CBFA2T3: variants seen among roughly 807,000 people sequenced by gnomAD.
CBFA2T3 encodes the protein transcriptional corepressor CBFA2T3.
In CBFA2T3, 31 loss-of-function variants were observed where a neutral mutation model predicts 58.6. The observed-to-expected ratio is 0.53, with a 90% CI of 0.40 to 0.71. The LOEUF (loss-of-function observed/expected upper bound fraction) is 0.71, where lower values mean the gene tolerates loss of function less well. CBFA2T3 is among the 30% of genes least tolerant of loss of function. The probability of loss-of-function intolerance (pLI) is 0.00; values close to 1 mark genes in which losing one functional copy is unlikely to be tolerated. For synonymous variants in CBFA2T3, 531 were observed against 421.9 expected (o/e 1.26, Z -3.17); for missense variants, 1,076 against 963.1 (o/e 1.12, Z -1.55).
chr16:88,929,347 G>A (rs1199906628), intron 1 of CBFA2T3, among the ~76,000 whole-genome samples: 5 of 152,322 alleles, frequency 3.3e-5, no homozygotes, highest in East Asian at 1.9e-4. Context: ...CTGCTCCCAC[G>A]GGCCTGCGGG....
In CBFA2T3 at chr16:88,901,542, T is replaced by A; in HGVS notation, c.266A>T (p.Gln89Leu). ...SMPPPPPAASQGATRPPSFTP... is the reference protein window; with the variant it reads ...SMPPPPPAASLGATRPPSFTP... ...GAAGGAGGGGGGGCGTGTGGCCCCC[T>A]GGGATGCGGCAGGCGGTGGGGGCGG... The change falls in exon 2 of 12, where the codon CAG (glutamine) becomes CTG (leucine). Residue 89 changes from glutamine to leucine, a missense_variant. Physicochemically the swap from Gln to Leu is moderately radical, Grantham distance 113. Transcript: ENST00000268679. 2 of 1,479,292 alleles carry A rather than the reference T, an allele frequency of 1.4e-6. No homozygotes were observed. The highest frequency in any genetic ancestry group is 8.9e-7 in the Non-Finnish European group (1 of 1,120,098). 91.6% of individuals were successfully genotyped at this position (1,479,292 alleles called of 1,614,324 possible).
intron 5 of CBFA2T3, chr16:88,886,809 G>C (rs796254050): frequency 1.3e-5 from 2 of 152,488 alleles, no homozygotes; most frequent in African/African-American, 4.8e-5. Context: ...GCCTTGGTGA[G>C]GACGGCCTCA....
In CBFA2T3 at chr16:88,885,019, A is replaced by C. The variant is rs1969300512; in HGVS notation, c.1117+27T>G. 6.5e-7 allele frequency: 1 copy of C among 1,546,496 alleles called. No individual in the cohort carries two copies. Among genetic ancestry groups the C allele is most frequent in the South Asian group, 1.2e-5 (1 of 86,566 alleles). ...ATGTGTGCTCCTGTAACACGCGTCCACGCTCCCGCCCCACCGGGCTGCTCA... is the reference window on the plus strand; with the variant it reads ...ATGTGTGCTCCTGTAACACGCGTCCCCGCTCCCGCCCCACCGGGCTGCTCA... On this transcript the variant is annotated intron_variant, in intron 7 of 11. Coordinates refer to ENST00000268679, the MANE Select transcript of CBFA2T3 (RefSeq NM_005187.6). The surrounding 1 kb of genome is among the most constrained non-coding windows in gnomAD (Gnocchi z 5.3).
intron 1 of CBFA2T3, among the ~76,000 whole-genome samples, chr16:88,905,962 A>G (rs1344968956): frequency 6.8e-6 from 1 of 146,508 alleles, no homozygotes; most frequent in Admixed American, 6.6e-5. Context: ...CAGCCACAGC[A>G]GGAGGCTGAG....
At chr16:88,961,071 G>A (rs1449281839) in intron 1 of CBFA2T3, among the ~76,000 whole-genome samples, 1 of 152,214 alleles carries the variant, frequency 6.6e-6, no homozygotes, top group Non-Finnish European at 1.5e-5. Context: ...CTGAGGTCTC[G>A]CTGTGGGCAG....
chr16:88,959,140 G>C (rs763230687), intron 1 of CBFA2T3, among the ~76,000 whole-genome samples: 1 of 152,188 alleles, frequency 6.6e-6, no homozygotes, highest in South Asian at 2.1e-4. Flanking sequence ...GCGCTGAATC[G>C]TGTGCCCCCG....
chr16:88,949,698 T>A (rs541190303), intron 1 of CBFA2T3, among the ~76,000 whole-genome samples: 1 of 151,482 alleles, frequency 6.6e-6, no homozygotes, highest in Non-Finnish European at 1.5e-5. Context: ...ACTTCATGAG[T>A]AGGCAAATCC....
chr16:88,921,789 G>C (rs1429780206), intron 1 of CBFA2T3, among the ~76,000 whole-genome samples: 5 of 152,252 alleles, frequency 3.3e-5, no homozygotes, highest in Non-Finnish European at 7.3e-5. Flanking sequence ...CTCATTTGAA[G>C]TTGCTTCCTC....
chr16:88,932,615 C>A (rs1457992879), intron 1 of CBFA2T3, among the ~76,000 whole-genome samples: 1 of 151,616 alleles, frequency 6.6e-6, no homozygotes, highest in Non-Finnish European at 1.5e-5. Context: ...CCACTGCATT[C>A]CAGCCTGAGC....
intron 1 of CBFA2T3, among the ~76,000 whole-genome samples, chr16:88,955,025 C>A (rs1471156250): frequency 1.8e-5 from 1 of 55,866 alleles, no homozygotes; most frequent in Non-Finnish European, 3.4e-5. Context: ...CTCCTGACTC[C>A]ACCCAAGGCT....
intron 1 of CBFA2T3, among the ~76,000 whole-genome samples, chr16:88,911,821 G>A (rs1970540839): frequency 6.6e-6 from 1 of 152,254 alleles, no homozygotes; most frequent in Admixed American, 6.5e-5. Context: ...AGGTGACACT[G>A]AGCATCAGTG....
chr16:88,947,404 A>G (rs534858574), intron 1 of CBFA2T3, among the ~76,000 whole-genome samples: 136 of 152,344 alleles, frequency 8.9e-4, no homozygotes, highest in Admixed American at 1.6e-3. Flanking sequence ...GCCTCCTTCC[A>G]TTCTACCCAG....
intron 5 of CBFA2T3, among the ~76,000 whole-genome samples, chr16:88,888,714 T>C (rs1969501142): frequency 6.6e-6 from 1 of 150,992 alleles, no homozygotes; most frequent in Admixed American, 6.6e-5. Context: ...GCAAGATCTT[T>C]ATTTTTTATT....
intron 1 of CBFA2T3, among the ~76,000 whole-genome samples, chr16:88,929,322 G>C (rs1055908562): frequency 2.6e-5 from 4 of 152,224 alleles, no homozygotes; most frequent in Admixed American, 2.0e-4. Flanking sequence ...TCGCCTGTGA[G>C]AGGCGTGGTG....
intron 3 of CBFA2T3, among the ~76,000 whole-genome samples, chr16:88,892,943 C>T (rs1031875661): frequency 2.8e-4 from 42 of 152,322 alleles, no homozygotes; most frequent in African/African-American, 9.4e-4. Context: ...GGCCCCTACG[C>T]CTGGCCTGGG....
At chr16:88,959,188 T>C (rs8043943) in intron 1 of CBFA2T3, among the ~76,000 whole-genome samples, 1 of 152,040 alleles carries the variant, frequency 6.6e-6, no homozygotes, top group Non-Finnish European at 1.5e-5. Context: ...CTGTGTGCCA[T>C]GTGTTCAGGT....
At chr16:88,930,557 G>A (rs2142765766) in intron 1 of CBFA2T3, among the ~76,000 whole-genome samples, 1 of 151,892 alleles carries the variant, frequency 6.6e-6, no homozygotes, top group East Asian at 1.9e-4. Context: ...GAGCCACGAA[G>A]GCCCCGAGCT....
chr16:88,972,258 C>G (rs1331605855), intron 1 of CBFA2T3, among the ~76,000 whole-genome samples: 1 of 152,160 alleles, frequency 6.6e-6, no homozygotes, highest in Non-Finnish European at 1.5e-5. Flanking sequence ...GGAAAGCTGG[C>G]TGCACCTGGC....
chr16:88,905,704 C>G (rs1333476391), intron 1 of CBFA2T3, among the ~76,000 whole-genome samples: 1 of 56,830 alleles, frequency 1.8e-5, no homozygotes, highest in Non-Finnish European at 3.3e-5. Flanking sequence ...GAAGGAGGGG[C>G]GGGGCTGGAG....
Sources: allele counts gnomAD v4.1 joint callset (sites outside exome capture counted in the v4.1 genomes callset), GRCh38; gene constraint gnomAD v4.1.1; non-coding constraint Gnocchi (gnomAD v3.1); transcripts MANE v1.5; gene names NCBI Gene and HGNC (gene_info 2026-07-23, HGNC 2026-07-21).